BPHL: variants seen among roughly 807,000 people sequenced by gnomAD.
BPHL encodes serine hydrolase BPHL.
Under a neutral mutation model 31.2 loss-of-function variants are expected in BPHL, and 27 were observed. That is an observed-to-expected ratio of 0.87 (90% CI 0.64 to 1.19). BPHL has a LOEUF of 1.19. Among genes scored for constraint, BPHL ranks in the 50% most tolerant of loss-of-function variants. BPHL has a pLI of 0.00. For synonymous variants in BPHL, 150 were observed against 146.8 expected, an observed-to-expected ratio of 1.02 and a Z score of -0.16; for missense variants, 356 against 375.7, an observed-to-expected ratio of 0.95 and a Z score of 0.43.
intron 6 of BPHL, among the ~76,000 whole-genome samples, chr6:3,144,278 A>G (rs9503408): frequency 0.081 from 12,315 of 151,728 alleles, 695 homozygotes; most frequent in African/African-American, 0.15. Flanking sequence ...GGCGTTAGCC[A>G]GGATGGTCTC....
At chr6:3,142,266 C>A (rs1209250445) in intron 6 of BPHL, among the ~76,000 whole-genome samples, 1 of 151,630 alleles carries the variant, frequency 6.6e-6, no homozygotes, top group African/African-American at 2.4e-5. Context: ...TTACAGGCAC[C>A]CGCCACCACG....
At position 3,120,904 on chromosome 6, in the gene BPHL, C is replaced by G. The variant is rs572447761; in HGVS notation, c.107+2057C>G. Among the ~76,000 whole-genome samples, 3 of 152,278 alleles carry G rather than the reference C, an allele frequency of 2.0e-5. No homozygotes were observed. The South Asian group carries it at 6.2e-4, about 32-fold the overall frequency. On this transcript the variant is annotated intron_variant, in intron 1 of 6. Coordinates refer to ENST00000380379, the MANE Select transcript of BPHL (RefSeq NM_004332.4). ...TGGCAGTCAGAGTGTGGCCCCGGTG[C>G]CTGAGCCCTCTTAGGACTCTGTTCA...
At chr6:3,129,248 T>G (rs1245919476) in intron 4 of BPHL, 50 bp downstream of exon 4, 29 of 1,497,132 alleles carry the variant, frequency 1.9e-5, no homozygotes, top group Non-Finnish European at 2.3e-5. Flanking sequence ...TTCCCCTCTC[T>G]CCGCATCTCA....
At chr6:3,125,842 C>T (rs1431922342) in intron 2 of BPHL, among the ~76,000 whole-genome samples, 1 of 152,190 alleles carries the variant, frequency 6.6e-6, no homozygotes, top group Non-Finnish European at 1.5e-5. Flanking sequence ...GATCCTGCAC[C>T]ACCTTGAAAG....
At chr6:3,145,164 A>G (rs35320491) in intron 6 of BPHL, among the ~76,000 whole-genome samples, 57,200 of 83,320 alleles carry the variant, frequency 0.69, 19,572 homozygotes, top group African/African-American at 0.76. Context: ...GTGCTGGTTC[A>G]GGGTGGAGTG....
In BPHL at chr6:3,152,433, G is replaced by T. The variant is rs1762548201; in HGVS notation, c.789-55G>T. The T allele has an allele frequency of 3.4e-6, 5 of 1,471,088 alleles. No individual in the cohort carries two copies. In the South Asian group the frequency reaches 4.7e-5, roughly 14 times the overall value. The allele number at this position is 1,471,088 out of a possible 1,614,324, so 91.1% of individuals were successfully genotyped here. A position where few individuals can be genotyped will look rare whatever the true frequency, so the allele number is the denominator to read the frequency against. On this transcript the variant is annotated intron_variant, in intron 6 of 6. Transcript: ENST00000380379. ...TGTGAAATGTTGGGGAGAGTGAGGG[G>T]TTTGTTCTTAAGTGGTGGGCCATTG...
At position 3,137,627 on chromosome 6, in the gene BPHL, G is replaced by A. The variant is rs984682729; in HGVS notation, c.664+134G>A. 1.3e-4 allele frequency: 165 copies of A among 1,316,986 alleles called. 1 individual carries two copies. Among genetic ancestry groups the A allele is most frequent in the Non-Finnish European group, 1.7e-4 (161 of 950,608 alleles). 81.6% of individuals were successfully genotyped at this position (1,316,986 alleles called of 1,614,324 possible). On this transcript the variant is annotated intron_variant, in intron 5 of 6. Transcript: ENST00000380379. Reference sequence around the variant, plus strand: ...CACGCTCATGTGTGAGCAGAACAGAGAATACTAGTTCTTGTGTACTGTGCC... The same window carrying A: ...CACGCTCATGTGTGAGCAGAACAGAAAATACTAGTTCTTGTGTACTGTGCC...
intron 6 of BPHL, among the ~76,000 whole-genome samples, chr6:3,150,525 C>T (rs997183280): frequency 6.6e-6 from 1 of 152,234 alleles, no homozygotes; most frequent in Non-Finnish European, 1.5e-5. Context: ...CAGAGGAACT[C>T]GTGTTCATCC....
At chr6:3,146,105 TC>T (rs1762342605) in intron 6 of BPHL, among the ~76,000 whole-genome samples, 1 of 54,384 alleles carries the variant, frequency 1.8e-5, no homozygotes, top group Non-Finnish European at 4.2e-5. Flanking sequence ...GAGTGCTGGT[TC>T]CGGTTGGAGT....
At chr6:3,142,458 T>C (rs1296091995) in intron 6 of BPHL, among the ~76,000 whole-genome samples, 1 of 152,220 alleles carries the variant, frequency 6.6e-6, no homozygotes, top group Non-Finnish European at 1.5e-5. Context: ...GTGCTTTTGA[T>C]TGTATACGTT....
intron 6 of BPHL, among the ~76,000 whole-genome samples, chr6:3,146,540 C>T (rs1279169269): frequency 9.2e-3 from 10 of 1,092 alleles, no homozygotes; most frequent in Non-Finnish European, 0.011. Flanking sequence ...TGGTTTGGGT[C>T]GAGTGCTGGT....
At chr6:3,138,051 ACT>A in intron 5 of BPHL, 1 of 1,187,862 alleles carries the variant, frequency 8.4e-7, no homozygotes, top group East Asian at 5.7e-5. Context: ...ATGGAGTCTC[ACT>A]CTGTCACCAG....
In BPHL at chr6:3,149,236, A is replaced by G. The variant is rs947490308; in HGVS notation, c.789-3252A>G. On this transcript the variant is annotated intron_variant, in intron 6 of 6. Transcript: ENST00000380379. This position sits in a 1 kb window ranked among gnomAD's most constrained non-coding sequence, Gnocchi z 4.6. ...GTAAAGCCAGTGTTTTCCTCCCACG[A>G]TGATGCCTCCAGTTTACATCCAAAT... Among the ~76,000 whole-genome samples the G allele has an allele frequency of 1.3e-5, 2 of 152,138 alleles. No individual in the cohort carries two copies. The highest frequency in any genetic ancestry group is 2.9e-5 in the Non-Finnish European group (2 of 68,034).
In BPHL at chr6:3,119,639, T is replaced by G. The variant is rs1761504387; in HGVS notation, c.107+792T>G. On this transcript the variant is annotated intron_variant, in intron 1 of 6. Transcript: ENST00000380379. ...GCATGAAGCTTGTTTTACTTTATTC[T>G]CTACATACATCCCTACACACATGCA... is the stretch of plus-strand genomic sequence containing the variant. The G allele has an allele frequency of 2.3e-6, 3 of 1,278,622 alleles. No homozygotes were observed. The East Asian group carries it at 6.9e-5, about 30-fold the overall frequency. 79.2% of individuals were successfully genotyped at this position (1,278,622 alleles called of 1,614,324 possible).
chr6:3,141,615 C>G (rs975380132), intron 6 of BPHL, among the ~76,000 whole-genome samples: 33 of 152,316 alleles, frequency 2.2e-4, no homozygotes, highest in African/African-American at 7.9e-4. Flanking sequence ...ATCCGCCTGC[C>G]TTGGCCTCCC....
intron 6 of BPHL, among the ~76,000 whole-genome samples, chr6:3,146,682 GTTCCAGTTGAGTGCTGA>G (rs1762385950): frequency 7.3e-6 from 1 of 136,258 alleles, no homozygotes. Flanking sequence ...TGGAGTGCTG[GTTCCAGTTGAGTGCTGA>G]TTTGGGTCGG....
At chr6:3,125,141 G>T (rs182006997) in intron 2 of BPHL, among the ~76,000 whole-genome samples, 59 of 151,888 alleles carry the variant, frequency 3.9e-4, no homozygotes, top group African/African-American at 1.4e-3. Flanking sequence ...TACCTCCCAG[G>T]TTCAAGCGAT....
chr6:3,148,541 C>G (rs1161281400), intron 6 of BPHL, among the ~76,000 whole-genome samples: 1 of 152,252 alleles, frequency 6.6e-6, no homozygotes, highest in Non-Finnish European at 1.5e-5. Flanking sequence ...CCGTTCTGGA[C>G]TGCCTCCAGC....
intron 6 of BPHL, among the ~76,000 whole-genome samples, chr6:3,151,228 G>T (rs1762515011): frequency 6.6e-6 from 1 of 152,080 alleles, no homozygotes; most frequent in Non-Finnish European, 1.5e-5. Context: ...GTTCTTTCCT[G>T]TTTCCTGAAA....
Sources: allele counts gnomAD v4.1 joint callset (sites outside exome capture counted in the v4.1 genomes callset), GRCh38; gene constraint gnomAD v4.1.1; non-coding constraint Gnocchi (gnomAD v3.1); transcripts MANE v1.5; gene names NCBI Gene and HGNC (gene_info 2026-07-23, HGNC 2026-07-21).